Variants in DLGAP1 observed in about 807,000 individuals in gnomAD.
DLGAP1 encodes the protein disks large-associated protein 1.
In DLGAP1, 11 loss-of-function variants were observed where a neutral mutation model predicts 90.8. That is an observed-to-expected ratio of 0.12 (90% confidence interval 0.08 to 0.20). The LOEUF (loss-of-function observed/expected upper bound fraction) is 0.20. DLGAP1 is among the 10% of genes least tolerant of loss of function. The probability of loss-of-function intolerance (pLI) is 1.00; values close to 1 mark genes in which losing one functional copy is unlikely to be tolerated. For synonymous variants in DLGAP1, 558 were observed against 540.7 expected (o/e 1.03, Z -0.44); for missense variants, 1,050 against 1,333.8 (o/e 0.79, Z 3.31).
In DLGAP1 at chr18:4,342,773, A is replaced by C. The variant is rs1188003616; in HGVS notation, c.-267+112233T>G. Among the ~76,000 whole-genome samples the C allele has an allele frequency of 1.3e-5, 2 of 152,142 alleles. No homozygotes were observed. Among genetic ancestry groups the C allele is most frequent in the Non-Finnish European group, 2.9e-5 (2 of 68,014 alleles). ...TTATTTTAAAAGACACTGGAAATAA[A>C]CCCCCCAAAATGAAGAATATTTAAT... On this transcript the variant is annotated intron_variant, in intron 1 of 12. Transcript: ENST00000315677. The surrounding 1 kb of genome is among the most constrained non-coding windows in gnomAD (Gnocchi z 5.8).
chr18:4,056,213 G>C lies in DLGAP1; in HGVS notation c.-158-51012C>G, dbSNP rs577824856. Among the ~76,000 whole-genome samples, 3 of 152,240 alleles carry C rather than the reference G, an allele frequency of 2.0e-5. No individual in the cohort carries two copies. In the East Asian group the frequency reaches 5.8e-4, roughly 29 times the overall value. On this transcript the variant is annotated intron_variant, in intron 2 of 12. Coordinates refer to ENST00000315677, the MANE Select transcript of DLGAP1 (RefSeq NM_004746.4). ...GTCTGATCCTGTCATGAAAGAAAGG[G>C]GGAAGGAATGAGGATCCTCGTACTG...
At chr18:4,274,436 T>G (rs934246749) in intron 1 of DLGAP1, among the ~76,000 whole-genome samples, 1 of 152,154 alleles carries the variant, frequency 6.6e-6, no homozygotes, top group Non-Finnish European at 1.5e-5. Flanking sequence ...TAGTATATGG[T>G]CCATTCTGGA....
intron 1 of DLGAP1, among the ~76,000 whole-genome samples, chr18:4,287,538 T>C (rs866764948): frequency 2.2e-4 from 33 of 152,216 alleles, no homozygotes; most frequent in African/African-American, 7.7e-4. Flanking sequence ...TTCATGTCCT[T>C]TGCAGGGACG....
rs1296768582 is a variant in DLGAP1, at chr18:4,257,996, TGTGTGTGTGTGTGTGC to T, written c.-266-106725_-266-106710del. Among the ~76,000 whole-genome samples the T allele has an allele frequency of 3.6e-4, 52 of 143,480 alleles. 1 individual carries two copies. Among genetic ancestry groups the T allele is most frequent in the African/African-American group, 1.3e-3 (45 of 34,190 alleles). The allele number at this position is 143,480 out of a possible 152,430, so 94.1% of individuals were successfully genotyped here. A position where few individuals can be genotyped will look rare whatever the true frequency, so the allele number is the denominator to read the frequency against. On this transcript the variant is annotated intron_variant, in intron 1 of 12. Coordinates refer to ENST00000315677, the MANE Select transcript of DLGAP1 (RefSeq NM_004746.4). Reference sequence around the variant, plus strand: ...ATATGTGTGTGTGTGTGTGTGTGTGTGTGTGTGTGTGTGTGCGCGCGCGCGCGTATAACCTATGTTG... The same window carrying T: ...ATATGTGTGTGTGTGTGTGTGTGTGTGCGCGCGCGCGTATAACCTATGTTG...
At chr18:4,092,569 G>T (rs954987996) in intron 2 of DLGAP1, among the ~76,000 whole-genome samples, 1 of 151,940 alleles carries the variant, frequency 6.6e-6, no homozygotes, top group African/African-American at 2.4e-5. Flanking sequence ...TATGGAGATT[G>T]TTTTTTTTCC....
intron 1 of DLGAP1, among the ~76,000 whole-genome samples, chr18:4,258,006 T>TGC (rs1441181179): frequency 7.0e-5 from 10 of 143,624 alleles, no homozygotes; most frequent in African/African-American, 2.3e-4. Context: ...TGTGTGTGTG[T>TGC]GTGTGCGCGC....
intron 1 of DLGAP1, among the ~76,000 whole-genome samples, chr18:4,356,783 G>A (rs2081525277): frequency 6.6e-6 from 1 of 152,090 alleles, no homozygotes; most frequent in Non-Finnish European, 1.5e-5. Context: ...TGCCCAAAAA[G>A]ACCCTATATA....
At chr18:4,372,927 C>CA (rs71160961) in intron 1 of DLGAP1, among the ~76,000 whole-genome samples, 14,590 of 143,040 alleles carry the variant, frequency 0.1, 1,007 homozygotes, top group East Asian at 0.29. Flanking sequence ...GACTCCATCT[C>CA]AAAAAAAAAA....
chr18:4,151,327 C>T (rs1325218349), intron 1 of DLGAP1, 40 bp from the exon 2 acceptor site: 1 of 151,932 alleles, frequency 6.6e-6, no homozygotes, highest in East Asian at 1.9e-4. Context: ...TAATAACTAG[C>T]CTGAAACAAA....
At chr18:3,724,904 CA>C (rs35207660) in intron 7 of DLGAP1, among the ~76,000 whole-genome samples, 49,187 of 132,040 alleles carry the variant, frequency 0.37, 8,402 homozygotes, top group East Asian at 0.54. Context: ...AACTCTGTCT[CA>C]AAAAAAAAAA....
At position 3,672,036 on chromosome 18, in the gene DLGAP1, A is replaced by G. The variant is rs1598289614; in HGVS notation, c.1591+57099T>C. On this transcript the variant is annotated intron_variant, in intron 7 of 12. Coordinates refer to ENST00000315677, the MANE Select transcript of DLGAP1 (RefSeq NM_004746.4). ...ATGAGATATTTGTTCAGGAAAAACA[A>G]AAGCATTATTAAAAAGGAAAGAGGG... Among the ~76,000 whole-genome samples the G allele has an allele frequency of 2.6e-5, 4 of 152,314 alleles. No individual in the cohort carries two copies. The South Asian group carries it at 8.3e-4, about 32-fold the overall frequency.
chr18:4,099,307 CTATCTATCT>C (rs777883886), intron 2 of DLGAP1, among the ~76,000 whole-genome samples: 3 of 108,894 alleles, frequency 2.8e-5, no homozygotes, highest in African/African-American at 1.2e-4. Context: ...ATCTATCTAT[CTATCTATCT>C]ATCTATCTAT....
intron 1 of DLGAP1, among the ~76,000 whole-genome samples, chr18:4,208,650 T>C (rs2077772112): frequency 6.6e-6 from 1 of 152,162 alleles, no homozygotes; most frequent in Admixed American, 6.6e-5. Flanking sequence ...AAATAAATTT[T>C]TATTTTCACC....
intron 3 of DLGAP1, among the ~76,000 whole-genome samples, chr18:3,959,130 T>A (rs1017427003): frequency 6.6e-6 from 1 of 152,192 alleles, no homozygotes; most frequent in Non-Finnish European, 1.5e-5. Flanking sequence ...CAGTATTAAA[T>A]TAGTAGCCAG....
At chr18:3,504,004 G>C (rs2050080627) in intron 11 of DLGAP1, among the ~76,000 whole-genome samples, 1 of 152,196 alleles carries the variant, frequency 6.6e-6, no homozygotes, top group Non-Finnish European at 1.5e-5. Context: ...GCTGAGGCAA[G>C]AGAATCGCTT....
intron 1 of DLGAP1, among the ~76,000 whole-genome samples, chr18:4,297,882 AC>A (rs1326677541): frequency 2.0e-5 from 3 of 152,016 alleles, no homozygotes; most frequent in African/African-American, 7.3e-5. Flanking sequence ...CATGATGCAA[AC>A]CTAATGCAAA....
intron 1 of DLGAP1, among the ~76,000 whole-genome samples, chr18:4,346,055 G>A (rs2081297911): frequency 6.6e-6 from 1 of 152,160 alleles, no homozygotes; most frequent in African/African-American, 2.4e-5. Context: ...ACGATGTGCT[G>A]AAATGCAGAA....
chr18:3,591,442 C>T (rs2056241490), intron 7 of DLGAP1, among the ~76,000 whole-genome samples: 1 of 152,046 alleles, frequency 6.6e-6, no homozygotes, highest in South Asian at 2.1e-4. Context: ...AATCCCAGCA[C>T]TTTGAGAGGT....
chr18:4,148,030 T>C (rs1464708019), intron 2 of DLGAP1, among the ~76,000 whole-genome samples: 1 of 152,224 alleles, frequency 6.6e-6, no homozygotes, highest in East Asian at 1.9e-4. Flanking sequence ...TTTCTGTTTC[T>C]GGTTGGGCAC....
Sources: allele counts gnomAD v4.1 joint callset (sites outside exome capture counted in the v4.1 genomes callset), GRCh38; gene constraint gnomAD v4.1.1; non-coding constraint Gnocchi (gnomAD v3.1); transcripts MANE v1.5; gene names NCBI Gene and HGNC (gene_info 2026-07-23, HGNC 2026-07-21).